The following ZCCHC7 variants were observed in gnomAD, a reference collection of about 807,000 sequenced individuals.
ZCCHC7 encodes zinc finger CCHC domain-containing protein 7.
ZCCHC7 carries 35 observed loss-of-function variants against 52.0 expected under a neutral mutation model. That is an observed-to-expected ratio of 0.67 (90% CI 0.51 to 0.89). The LOEUF is 0.89. Ranked by LOEUF, ZCCHC7 falls within the 40% of genes least tolerant of loss-of-function variation. The probability of loss-of-function intolerance (pLI) is 0.00; values close to 1 mark genes in which losing one functional copy is unlikely to be tolerated. For missense variants in ZCCHC7, 574 were observed against 649.1 expected (o/e 0.88, Z 1.26); for synonymous variants, 217 against 221.5 (o/e 0.98, Z 0.18).
At chr9:37,269,573 T>G (rs769744429) in intron 2 of ZCCHC7, among the ~76,000 whole-genome samples, 4 of 135,748 alleles carry the variant, frequency 2.9e-5, no homozygotes, top group Admixed American at 8.1e-5. Context: ...AAGCCATGAT[T>G]GTACCACTGC....
At chr9:37,187,465 C>T (rs990989038) in intron 2 of ZCCHC7, among the ~76,000 whole-genome samples, 8 of 152,228 alleles carry the variant, frequency 5.3e-5, no homozygotes, top group Non-Finnish European at 8.8e-5. Context: ...ACTAGCCTGC[C>T]GGCTGCTCAC....
At chr9:37,196,293 C>G (rs1823281528) in intron 2 of ZCCHC7, among the ~76,000 whole-genome samples, 1 of 152,088 alleles carries the variant, frequency 6.6e-6, no homozygotes, top group African/African-American at 2.4e-5. Flanking sequence ...CTTTAAAAAG[C>G]TGTTTATTAT....
chr9:37,189,467 A>C, intron 2 of ZCCHC7, among the ~76,000 whole-genome samples: 1 of 152,022 alleles, frequency 6.6e-6, no homozygotes, highest in Non-Finnish European at 1.5e-5. Flanking sequence ...GCTCACTGCA[A>C]CCTCTGCTTC....
intron 2 of ZCCHC7, chr9:37,144,893 G>A (rs572383460): frequency 6.6e-6 from 1 of 152,108 alleles, no homozygotes; most frequent in South Asian, 2.1e-4. Flanking sequence ...ACAGGCCTCA[G>A]AAGACTCAAA....
chr9:37,338,438 T>A (rs1830781271), intron 6 of ZCCHC7, among the ~76,000 whole-genome samples: 2 of 152,132 alleles, frequency 1.3e-5, no homozygotes, highest in African/African-American at 2.4e-5. Context: ...CTACATAAAA[T>A]GAAGACATAA....
chr9:37,273,496 C>T (rs763693102), intron 2 of ZCCHC7, among the ~76,000 whole-genome samples: 2 of 152,154 alleles, frequency 1.3e-5, no homozygotes, highest in Non-Finnish European at 2.9e-5. Flanking sequence ...GAGCGAGACT[C>T]CGTCTCGAAA....
chr9:37,284,540 A>G (rs1329686796), intron 2 of ZCCHC7, among the ~76,000 whole-genome samples: 1 of 152,112 alleles, frequency 6.6e-6, no homozygotes. Flanking sequence ...CCTGGTTTTT[A>G]TCAGGACATA....
chr9:37,212,004 G>A (rs1335442142), intron 2 of ZCCHC7, among the ~76,000 whole-genome samples: 4 of 116,700 alleles, frequency 3.4e-5, no homozygotes, highest in Non-Finnish European at 4.9e-5. Context: ...TCCAGCCTGG[G>A]TGACAGAGCG....
At chr9:37,293,458 A>C (rs2133643202) in intron 2 of ZCCHC7, among the ~76,000 whole-genome samples, 1 of 152,314 alleles carries the variant, frequency 6.6e-6, no homozygotes, top group South Asian at 2.1e-4. Flanking sequence ...CTTCCCTAGA[A>C]ACCTTTTTAA....
At chr9:37,281,103 A>G in intron 2 of ZCCHC7, among the ~76,000 whole-genome samples, 1 of 152,134 alleles carries the variant, frequency 6.6e-6, no homozygotes, top group East Asian at 1.9e-4. Flanking sequence ...ATCTACTCCC[A>G]TGTATAGTTC....
intron 2 of ZCCHC7, among the ~76,000 whole-genome samples, chr9:37,297,924 C>G (rs890576972): frequency 9.2e-5 from 14 of 152,194 alleles, no homozygotes; most frequent in African/African-American, 3.4e-4. Flanking sequence ...GAACTAGCTT[C>G]TATCTTTCAG....
intron 6 of ZCCHC7, among the ~76,000 whole-genome samples, chr9:37,341,493 A>G (rs866869002): frequency 1.1e-4 from 17 of 152,262 alleles, no homozygotes; most frequent in Middle Eastern, 6.8e-3. Context: ...AAAAACAGAC[A>G]AAAATCCCTG....
At chr9:37,231,771 A>G (rs1825419764) in intron 2 of ZCCHC7, among the ~76,000 whole-genome samples, 1 of 152,202 alleles carries the variant, frequency 6.6e-6, no homozygotes, top group Non-Finnish European at 1.5e-5. Flanking sequence ...ACCCCAAGGC[A>G]TTAGGCAGAA....
chr9:37,123,227 G>C (rs1000439730), intron 1 of ZCCHC7, among the ~76,000 whole-genome samples: 1 of 125,880 alleles, frequency 7.9e-6, no homozygotes, highest in Non-Finnish European at 1.9e-5. Context: ...GTGTGTGTGC[G>C]TGTGCGTGTG....
chr9:37,336,481 C>T (rs957544655), intron 6 of ZCCHC7, among the ~76,000 whole-genome samples: 1 of 151,988 alleles, frequency 6.6e-6, no homozygotes, highest in Non-Finnish European at 1.5e-5. Context: ...GTGGAATAAG[C>T]AGAGTTGGGA....
At chr9:37,353,292 C>T (rs1821503847) in intron 7 of ZCCHC7, among the ~76,000 whole-genome samples, 1 of 152,230 alleles carries the variant, frequency 6.6e-6, no homozygotes, top group African/African-American at 2.4e-5. Context: ...CACTGTGGCT[C>T]ATGCCTGTCA....
At chr9:37,271,391 A>G (rs1320092466) in intron 2 of ZCCHC7, among the ~76,000 whole-genome samples, 1 of 152,182 alleles carries the variant, frequency 6.6e-6, no homozygotes, top group African/African-American at 2.4e-5. Flanking sequence ...GGAAGGGGGA[A>G]ACTACAGATT....
chr9:37,264,657 G>A (rs966764875), intron 2 of ZCCHC7, among the ~76,000 whole-genome samples: 10 of 152,148 alleles, frequency 6.6e-5, no homozygotes, highest in Non-Finnish European at 1.2e-4. Context: ...TATTTTACGA[G>A]TTTTCTTGAT....
At chr9:37,353,086 G>C (rs1053847489) in intron 7 of ZCCHC7, among the ~76,000 whole-genome samples, 1 of 150,050 alleles carries the variant, frequency 6.7e-6, no homozygotes, top group Non-Finnish European at 1.5e-5. Context: ...AAAGAAAAAA[G>C]GTACTAATAA....
Sources: gnomAD v4.1 joint callset for allele counts (sites outside exome capture counted in the v4.1 genomes callset) on GRCh38, gnomAD v4.1.1 for gene constraint, MANE v1.5 for transcripts, NCBI Gene and HGNC (gene_info 2026-07-23, HGNC 2026-07-21) for gene names.